PCSK5: variants seen among roughly 807,000 people sequenced by gnomAD.
The protein encoded by PCSK5 is prohormone convertase 5.
PCSK5 carries 129 observed loss-of-function variants against 233.2 expected under a neutral mutation model. The ratio of observed to expected loss-of-function variants is 0.55; its 90% CI spans 0.48 to 0.64. The LOEUF (loss-of-function observed/expected upper bound fraction) is 0.64, where lower values mean the gene tolerates loss of function less well. Ranked by LOEUF, PCSK5 falls within the 30% of genes least tolerant of loss-of-function variation. The pLI, the probability that PCSK5 is intolerant of heterozygous loss-of-function variation, is 0.00. For missense variants in PCSK5, 2,076 were observed against 2,430.1 expected (o/e 0.85, Z 3.06); for synonymous variants, 825 against 879.2 (o/e 0.94, Z 1.09).
chr9:76,162,457 G>C (rs1406562244), intron 12 of PCSK5, among the ~76,000 whole-genome samples: 1 of 152,096 alleles, frequency 6.6e-6, no homozygotes, highest in Non-Finnish European at 1.5e-5. Flanking sequence ...GGCACAGAAA[G>C]GGGTGGAGAG....
At position 76,102,446 on chromosome 9, in the gene PCSK5, A is replaced by T. The variant is rs187906451; in HGVS notation, c.1108-4805A>T. Among the ~76,000 whole-genome samples, 532 of 152,322 alleles carry T rather than the reference A, an allele frequency of 3.5e-3. 4 individuals carry two copies. Among genetic ancestry groups the T allele is most frequent in the Admixed American group, 5.5e-3 (84 of 15,296 alleles). The stretch of plus-strand genomic sequence containing the variant: ...GGAAGCAGTGGAGCTGGTGGTAGAT[A>T]AAGCATCTCTAATACAAAAATTCAA... On this transcript the variant is annotated intron_variant, in intron 8 of 37. Transcript: ENST00000674117.
At chr9:76,072,695 T>C (rs538658343) in intron 7 of PCSK5, among the ~76,000 whole-genome samples, 2 of 152,300 alleles carry the variant, frequency 1.3e-5, no homozygotes, top group Admixed American at 1.3e-4. Flanking sequence ...TTTTACTCCT[T>C]ATAATGTAGA....
At chr9:76,245,879 A>C (rs1292778049) in intron 24 of PCSK5, among the ~76,000 whole-genome samples, 1 of 152,180 alleles carries the variant, frequency 6.6e-6, no homozygotes, top group Non-Finnish European at 1.5e-5. Flanking sequence ...CAGCCAGAAG[A>C]CTATTTCAGA....
At chr9:76,032,958 A>G (rs547201981) in intron 5 of PCSK5, among the ~76,000 whole-genome samples, 32 of 152,284 alleles carry the variant, frequency 2.1e-4, no homozygotes, top group Admixed American at 5.2e-4. Context: ...TGGGTTAAAG[A>G]CTTGTTTTCT....
At position 76,285,520 on chromosome 9, in the gene PCSK5, G is replaced by C. The variant is rs145687195; in HGVS notation, c.3143-6713G>C. ...ACCTAGTAGGTTCTTGCAGTAACAGGACACAGGACAGATAGGTTTCAATAG... is the reference window on the plus strand; with the variant it reads ...ACCTAGTAGGTTCTTGCAGTAACAGCACACAGGACAGATAGGTTTCAATAG... On this transcript the variant is annotated intron_variant, in intron 24 of 37. Transcript: ENST00000674117. Among the ~76,000 whole-genome samples the C allele has an allele frequency of 2.6e-3, 390 of 152,218 alleles. 2 individuals carry two copies. The highest frequency in any genetic ancestry group is 0.014 in the Middle Eastern group (4 of 292).
chr9:76,158,809 C>G (rs899039557), intron 11 of PCSK5, among the ~76,000 whole-genome samples, 174 bp from the exon 12 acceptor site: 1 of 152,208 alleles, frequency 6.6e-6, no homozygotes, highest in East Asian at 1.9e-4. Flanking sequence ...TTGCATCTTT[C>G]CCACTAACTG....
intron 34 of PCSK5, among the ~76,000 whole-genome samples, chr9:76,333,221 G>C (rs1279374414): frequency 1.3e-5 from 2 of 152,140 alleles, no homozygotes; most frequent in Non-Finnish European, 2.9e-5. Context: ...CAATCACAAG[G>C]CAGAAGCAAA....
intron 2 of PCSK5, among the ~76,000 whole-genome samples, chr9:75,953,630 G>A (rs1162290513): frequency 6.8e-6 from 1 of 147,056 alleles, no homozygotes; most frequent in East Asian, 2.2e-4. Context: ...TTATTGGCGT[G>A]CATATGTGTG....
chr9:76,039,589 G>A (rs1048667820), intron 5 of PCSK5, among the ~76,000 whole-genome samples: 1 of 152,176 alleles, frequency 6.6e-6, no homozygotes, highest in African/African-American at 2.4e-5. Context: ...CTAAGAGAAT[G>A]TACTAAGCAA....
At chr9:75,950,131 T>G (rs527497702) in intron 2 of PCSK5, among the ~76,000 whole-genome samples, 714 of 61,560 alleles carry the variant, frequency 0.012, 5 homozygotes, top group Non-Finnish European at 0.016. Context: ...TGGGACACAC[T>G]TGTGTGTGTG....
chr9:75,933,586 G>A (rs145824857), intron 2 of PCSK5, among the ~76,000 whole-genome samples: 2 of 152,272 alleles, frequency 1.3e-5, no homozygotes, highest in East Asian at 1.9e-4. Flanking sequence ...CCTCAGTTAT[G>A]TGCTGTAGTT....
At chr9:76,088,936 T>A (rs1030197927) in intron 7 of PCSK5, among the ~76,000 whole-genome samples, 1 of 143,678 alleles carries the variant, frequency 7.0e-6, no homozygotes, top group Non-Finnish European at 1.5e-5. Context: ...TTTAATTTTT[T>A]TTTTTTTTTT....
chr9:76,129,067 T>C (rs139678390), intron 9 of PCSK5, among the ~76,000 whole-genome samples: 1 of 152,306 alleles, frequency 6.6e-6, no homozygotes, highest in East Asian at 1.9e-4. Flanking sequence ...GAATTACCAC[T>C]TTCATACACT....
At chr9:76,057,244 T>C (rs1829854340) in intron 5 of PCSK5, among the ~76,000 whole-genome samples, 3 of 152,156 alleles carry the variant, frequency 2.0e-5, no homozygotes, top group Admixed American at 2.0e-4. Flanking sequence ...CCCTTATAAT[T>C]CTGTGGGAAT....
intron 15 of PCSK5, among the ~76,000 whole-genome samples, chr9:76,179,933 T>C (rs1444409967): frequency 6.6e-6 from 1 of 151,458 alleles, no homozygotes; most frequent in African/African-American, 2.4e-5. Flanking sequence ...GCTGTGAAAC[T>C]GCAAATGTCT....
chr9:76,200,861 C>T (rs964809308), intron 20 of PCSK5, among the ~76,000 whole-genome samples: 1 of 152,122 alleles, frequency 6.6e-6, no homozygotes, highest in Admixed American at 6.6e-5. Context: ...CTTCCTCCAC[C>T]CTCTTGTCAT....
intron 22 of PCSK5, among the ~76,000 whole-genome samples, 162 bp downstream of exon 22, chr9:76,233,758 T>C (rs569076072): frequency 6.6e-6 from 1 of 152,218 alleles, no homozygotes; most frequent in Admixed American, 6.5e-5. Flanking sequence ...CTGCTTGCTG[T>C]CAGTACACAA....
At chr9:76,235,177 A>G in intron 22 of PCSK5, among the ~76,000 whole-genome samples, 1 of 152,216 alleles carries the variant, frequency 6.6e-6, no homozygotes, top group East Asian at 1.9e-4. Context: ...TAATGAATGA[A>G]TGGTTCAATG....
At chr9:76,152,310 T>C (rs1823707843) in intron 10 of PCSK5, among the ~76,000 whole-genome samples, 1 of 152,174 alleles carries the variant, frequency 6.6e-6, no homozygotes, top group Admixed American at 6.5e-5. Context: ...ACATTTACTC[T>C]CCCTGGTCAT....
Sources: allele counts gnomAD v4.1 joint callset (sites outside exome capture counted in the v4.1 genomes callset), GRCh38; gene constraint gnomAD v4.1.1; transcripts MANE v1.5; gene names NCBI Gene and HGNC (gene_info 2026-07-23, HGNC 2026-07-21).